PIEZO2: variants seen among roughly 807,000 people sequenced by gnomAD.
The protein encoded by PIEZO2 is piezo type mechanosensitive ion channel component 2.
In PIEZO2, 172 loss-of-function variants were observed where a neutral mutation model predicts 337.3. That is an observed-to-expected ratio of 0.51 (90% CI 0.45 to 0.58). The LOEUF is 0.58. PIEZO2 is among the 20% of genes least tolerant of loss of function. The pLI is 0.00. For missense variants in PIEZO2, 3,028 were observed against 3,391.3 expected (o/e 0.89, Z 2.66); for synonymous variants, 1,251 against 1,228.5 (o/e 1.02, Z -0.38).
chr18:10,997,353 T>C (rs973185683), intron 2 of PIEZO2, among the ~76,000 whole-genome samples: 3 of 151,942 alleles, frequency 2.0e-5, no homozygotes, highest in African/African-American at 4.8e-5. Context: ...ATGTCAAGGA[T>C]ATAATCCCAA....
At chr18:10,829,379 C>G (rs1184545101) in intron 7 of PIEZO2, among the ~76,000 whole-genome samples, 2 of 152,122 alleles carry the variant, frequency 1.3e-5, no homozygotes, top group Non-Finnish European at 2.9e-5. Context: ...AGCCTTTCCT[C>G]TAAGATCTGG....
rs1319772041 is a variant in PIEZO2, at chr18:10,979,741, T to A, written c.161-81A>T. On this transcript the variant is annotated intron_variant, in intron 2 of 55. Transcript: ENST00000674853. The surrounding 1 kb of genome is among the most constrained non-coding windows in gnomAD (Gnocchi z 4.0). Reference sequence around the variant, plus strand: ...GCTGTCTCTTGTACATATTTCTGTATAACCTATTAGATAGACCGACTCAAA... The same window carrying A: ...GCTGTCTCTTGTACATATTTCTGTAAAACCTATTAGATAGACCGACTCAAA... 1 of 1,325,258 alleles carries A rather than the reference T, an allele frequency of 7.5e-7. No individual in the cohort carries two copies. The highest frequency in any genetic ancestry group is 1.5e-5 in the African/African-American group (1 of 68,626). 82.1% of individuals were successfully genotyped at this position (1,325,258 alleles called of 1,614,324 possible).
intron 14 of PIEZO2, 129 bp downstream of exon 14, chr18:10,791,072 C>T (rs2039396055): frequency 1.9e-6 from 2 of 1,068,682 alleles, no homozygotes; most frequent in African/African-American, 1.6e-5. Context: ...GCTGTAATAA[C>T]GTTACTTATT....
chr18:10,943,378 G>A lies in PIEZO2; in HGVS notation c.287-32150C>T, dbSNP rs149550451. ...GGGGTGGAGTTACCCAAGGCCGTGG[G>A]AGACCACCTCTTGCATCAGTGTGAC... On this transcript the variant is annotated intron_variant, in intron 3 of 55. Coordinates refer to ENST00000674853, the MANE Select transcript of PIEZO2 (RefSeq NM_001378183.1). This position sits in a 1 kb window ranked among gnomAD's most constrained non-coding sequence, Gnocchi z 4.5. Among the ~76,000 whole-genome samples, 2,810 of 152,300 alleles carry A rather than the reference G, an allele frequency of 0.018. 51 individuals carry two copies. Among genetic ancestry groups the A allele is most frequent in the Middle Eastern group, 0.095 (28 of 294 alleles).
intron 49 of PIEZO2, among the ~76,000 whole-genome samples, chr18:10,688,805 C>CT (rs2034666843): frequency 6.6e-6 from 1 of 152,134 alleles, no homozygotes; most frequent in South Asian, 2.1e-4. Context: ...ACCCTAGTTG[C>CT]TACCCTCAAT....
chr18:11,024,962 A>C (rs1245114792), intron 2 of PIEZO2, among the ~76,000 whole-genome samples: 2 of 151,424 alleles, frequency 1.3e-5, no homozygotes, highest in Non-Finnish European at 2.9e-5. Context: ...TTTTTAAATA[A>C]TATTTATAAC....
At chr18:11,041,034 T>G (rs552063156) in intron 2 of PIEZO2, among the ~76,000 whole-genome samples, 42 of 152,274 alleles carry the variant, frequency 2.8e-4, no homozygotes, top group African/African-American at 9.9e-4. Context: ...GAACCCTTTC[T>G]CTGGGTGAGA....
At chr18:11,081,293 C>A (rs1053672428) in intron 1 of PIEZO2, among the ~76,000 whole-genome samples, 1 of 152,128 alleles carries the variant, frequency 6.6e-6, no homozygotes, top group Non-Finnish European at 1.5e-5. Context: ...TATTTATTAA[C>A]CACATATACA....
At chr18:10,737,211 C>A (rs1480437990) in intron 33 of PIEZO2, among the ~76,000 whole-genome samples, 1 of 151,398 alleles carries the variant, frequency 6.6e-6, no homozygotes, top group East Asian at 1.9e-4. Flanking sequence ...CAATCTCCTC[C>A]TTCACTTTAC....
At position 11,094,366 on chromosome 18, in the gene PIEZO2, G is replaced by A. The variant is rs1437000858; in HGVS notation, c.65-28144C>T. On this transcript the variant is annotated intron_variant, in intron 1 of 55. Transcript: ENST00000674853. The surrounding 1 kb of genome is among the most constrained non-coding windows in gnomAD (Gnocchi z 4.4). ...GTCACACAGAGAAAAAGTAGTTTCA[G>A]TAGGACTCAAAACCAGGGCTTTGAG... 2.0e-5 allele frequency among the ~76,000 whole-genome samples: 3 copies of A among 152,136 alleles called. No individual in the cohort carries two copies. Among genetic ancestry groups the A allele is most frequent in the African/African-American group, 7.2e-5 (3 of 41,406 alleles).
rs975141876 is a variant in PIEZO2, at chr18:10,894,965, A to T, written c.329+16221T>A. Among the ~76,000 whole-genome samples, 1 of 152,230 alleles carries T rather than the reference A, an allele frequency of 6.6e-6. No individual in the cohort carries two copies. Among genetic ancestry groups the T allele is most frequent in the African/African-American group, 2.4e-5 (1 of 41,466 alleles). On this transcript the variant is annotated intron_variant, in intron 4 of 55. Coordinates refer to ENST00000674853, the MANE Select transcript of PIEZO2 (RefSeq NM_001378183.1). This position sits in a 1 kb window ranked among gnomAD's most constrained non-coding sequence, Gnocchi z 4.1. Reference sequence around the variant, plus strand: ...ACATTTTGATGTTAGATGTCTGCAGATCCCACAATCCCTCCCTCTCTTTCC... The same window carrying T: ...ACATTTTGATGTTAGATGTCTGCAGTTCCCACAATCCCTCCCTCTCTTTCC...
At chr18:11,076,740 A>G (rs573100101) in intron 1 of PIEZO2, among the ~76,000 whole-genome samples, 1 of 152,356 alleles carries the variant, frequency 6.6e-6, no homozygotes, top group Admixed American at 6.5e-5. Context: ...ATCAAATATT[A>G]GTAACAGTAT....
intron 4 of PIEZO2, among the ~76,000 whole-genome samples, chr18:10,887,639 G>C (rs2042645224): frequency 6.6e-6 from 1 of 152,188 alleles, no homozygotes; most frequent in Non-Finnish European, 1.5e-5. Context: ...CATACTCACA[G>C]CATTTTGTAC....
At chr18:11,095,869 A>G (rs78041204) in intron 1 of PIEZO2, among the ~76,000 whole-genome samples, 1 of 152,158 alleles carries the variant, frequency 6.6e-6, no homozygotes, top group Non-Finnish European at 1.5e-5. Flanking sequence ...ATGACTTCCA[A>G]AAATAATACT....
At chr18:10,963,018 G>A (rs1311734157) in intron 3 of PIEZO2, among the ~76,000 whole-genome samples, 3 of 152,156 alleles carry the variant, frequency 2.0e-5, no homozygotes, top group Non-Finnish European at 4.4e-5. Flanking sequence ...CTGGTATGGT[G>A]GTTCATGCCT....
chr18:11,107,928 T>C (rs1010271584), intron 1 of PIEZO2, among the ~76,000 whole-genome samples: 2 of 152,218 alleles, frequency 1.3e-5, no homozygotes, highest in Admixed American at 1.3e-4. Flanking sequence ...ACTAAACTTA[T>C]ATTCTTTATA....
Position 11,110,971 on chromosome 18 carries a change from T to C in PIEZO2, c.64+37554A>G, listed in dbSNP as rs760717597. 6.6e-6 allele frequency among the ~76,000 whole-genome samples: 1 copy of C among 152,198 alleles called. No individual in the cohort carries two copies. The highest frequency in any genetic ancestry group is 2.1e-4 in the South Asian group (1 of 4,826). ...ATGTGGTCTGCGTCAGAGTCCACCA[T>C]GAGAGCCACTGCAGGGCTTCGGAAC... On this transcript the variant is annotated intron_variant, in intron 1 of 55. Coordinates refer to ENST00000674853, the MANE Select transcript of PIEZO2 (RefSeq NM_001378183.1). This position sits in a 1 kb window ranked among gnomAD's most constrained non-coding sequence, Gnocchi z 4.2.
At position 10,673,118 on chromosome 18, in the gene PIEZO2, A is replaced by G. The variant is rs569074194; in HGVS notation, c.8162-245T>C. On this transcript the variant is annotated intron_variant, in intron 54 of 55. Coordinates refer to ENST00000674853, the MANE Select transcript of PIEZO2 (RefSeq NM_001378183.1). The surrounding 1 kb of genome is among the most constrained non-coding windows in gnomAD (Gnocchi z 4.8). ...GCTACATGGGCATGGCAGCAAAACC[A>G]CAGGGCAAAAGTAGAGGATCCACCA... Among the ~76,000 whole-genome samples the G allele has an allele frequency of 1.5e-4, 23 of 152,342 alleles. No individual in the cohort carries two copies. Among genetic ancestry groups the G allele is most frequent in the African/African-American group, 4.8e-4 (20 of 41,580 alleles).
chr18:10,703,650 T>C (rs936012821), intron 42 of PIEZO2, among the ~76,000 whole-genome samples: 5 of 152,106 alleles, frequency 3.3e-5, no homozygotes, highest in Admixed American at 1.3e-4. Flanking sequence ...CAAAGCACCA[T>C]GGTCGTCCAG....
Sources: allele counts gnomAD v4.1 joint callset (sites outside exome capture counted in the v4.1 genomes callset), GRCh38; gene constraint gnomAD v4.1.1; non-coding constraint Gnocchi (gnomAD v3.1); transcripts MANE v1.5; gene names NCBI Gene and HGNC (gene_info 2026-07-23, HGNC 2026-07-21).